The following MCTP1 variants were observed in gnomAD, a reference collection of about 807,000 sequenced individuals.
MCTP1 encodes multiple C2 and transmembrane domain-containing protein 1.
In MCTP1, 69 loss-of-function variants were observed where a neutral mutation model predicts 120.6. The ratio of observed to expected loss-of-function variants is 0.57; its 90% CI spans 0.47 to 0.70. The LOEUF (loss-of-function observed/expected upper bound fraction) is 0.70, where lower values mean the gene tolerates loss of function less well. Ranked by LOEUF, MCTP1 falls within the 30% of genes least tolerant of loss-of-function variation. The pLI, the probability that MCTP1 is intolerant of heterozygous loss-of-function variation, is 0.00. For synonymous variants in MCTP1, 529 were observed against 493.1 expected (o/e 1.07, Z -0.96); for missense variants, 1,203 against 1,248.8 (o/e 0.96, Z 0.55).
At chr5:95,143,568 C>T (rs1760117843) in intron 1 of MCTP1, among the ~76,000 whole-genome samples, 1 of 152,086 alleles carries the variant, frequency 6.6e-6, no homozygotes, top group South Asian at 2.1e-4. Context: ...TCCCTTCCTC[C>T]TCTAATAGTC....
chr5:94,970,658 TA>T (rs1826614317), intron 2 of MCTP1, among the ~76,000 whole-genome samples: 1 of 152,066 alleles, frequency 6.6e-6, no homozygotes, highest in African/African-American at 2.4e-5. Flanking sequence ...ATAGTACTAT[TA>T]ATTTTTTTTA....
chr5:94,988,748 G>A (rs1314517715), intron 2 of MCTP1, among the ~76,000 whole-genome samples: 3 of 152,046 alleles, frequency 2.0e-5, no homozygotes, highest in Non-Finnish European at 4.4e-5. Flanking sequence ...CGAGACTGGG[G>A]AATTTATAAA....
chr5:94,843,717 G>A (rs2153210712), intron 17 of MCTP1, among the ~76,000 whole-genome samples: 1 of 152,246 alleles, frequency 6.6e-6, no homozygotes, highest in Non-Finnish European at 1.5e-5. Flanking sequence ...CAATACTAAA[G>A]CTAAAGACAC....
chr5:95,048,128 AGG>A (rs1745022359), intron 1 of MCTP1, among the ~76,000 whole-genome samples: 1 of 152,206 alleles, frequency 6.6e-6, no homozygotes, highest in Non-Finnish European at 1.5e-5. Flanking sequence ...TGTTAGGCAA[AGG>A]AATATAATTT....
chr5:94,743,521 G>T (rs551251970), intron 19 of MCTP1, among the ~76,000 whole-genome samples: 7 of 152,296 alleles, frequency 4.6e-5, no homozygotes, highest in Admixed American at 1.3e-4. Context: ...GCCAGGCTGG[G>T]TGAGAGCATG....
chr5:94,826,069 G>T, intron 17 of MCTP1: 1 of 304,924 alleles, frequency 3.3e-6, no homozygotes. Context: ...ATACTTTGAA[G>T]GATCACAGGA....
intron 18 of MCTP1, among the ~76,000 whole-genome samples, chr5:94,791,270 C>G (rs1399996548): frequency 6.6e-6 from 1 of 151,848 alleles, no homozygotes; most frequent in Non-Finnish European, 1.5e-5. Context: ...TGCACTCCAG[C>G]CTGGGTGACA....
chr5:95,034,307 T>C (rs532377272), intron 1 of MCTP1, among the ~76,000 whole-genome samples: 195 of 152,164 alleles, frequency 1.3e-3, no homozygotes, highest in Non-Finnish European at 2.3e-3. Context: ...AGTATCACAT[T>C]ACATGACTTC....
chr5:94,772,265 A>G (rs904274546), intron 19 of MCTP1, among the ~76,000 whole-genome samples: 1 of 152,158 alleles, frequency 6.6e-6, no homozygotes, highest in Admixed American at 6.5e-5. Context: ...AGTGAGAACA[A>G]GGGGGTTGGA....
rs34561115 is a variant in MCTP1 at position 94,982,884 on chromosome 5, C to CAAAAAAAAAAAAAAAAAAAAAAAAAAA, written c.839-29550_839-29524dup. ...ACCTGGGGGACAGAGCACACTTCAT[C>CAAAAAAAAAAAAAAAAAAAAAAAAAAA]AAAAAAAAAAAAAAAAAAAAAAAAA... On this transcript the variant is annotated intron_variant, in intron 2 of 22. Coordinates refer to ENST00000515393, the MANE Select transcript of MCTP1 (RefSeq NM_024717.7). Among the ~76,000 whole-genome samples the CAAAAAAAAAAAAAAAAAAAAAAAAAAA allele has an allele frequency of 8.0e-4, 23 of 28,620 alleles. 7 individuals are homozygous for CAAAAAAAAAAAAAAAAAAAAAAAAAAA. Among genetic ancestry groups the CAAAAAAAAAAAAAAAAAAAAAAAAAAA allele is most frequent in the Non-Finnish European group, 1.5e-3 (18 of 12,002 alleles). 18.8% of individuals were successfully genotyped at this position (28,620 alleles called of 152,430 possible). A position where few individuals can be genotyped will look rare whatever the true frequency, so the allele number is the denominator to read the frequency against.
At chr5:95,033,473 A>G (rs2151791138) in intron 1 of MCTP1, among the ~76,000 whole-genome samples, 1 of 152,288 alleles carries the variant, frequency 6.6e-6, no homozygotes. Flanking sequence ...ATAAGAACAA[A>G]AACCATATGA....
chr5:95,071,741 G>C (rs947625422), intron 1 of MCTP1, among the ~76,000 whole-genome samples: 1 of 152,168 alleles, frequency 6.6e-6, no homozygotes, highest in Non-Finnish European at 1.5e-5. Flanking sequence ...GTTTCACTCT[G>C]TGAAACTGTG....
At chr5:95,253,260 A>G (rs1043503927) in intron 1 of MCTP1, among the ~76,000 whole-genome samples, 1 of 152,134 alleles carries the variant, frequency 6.6e-6, no homozygotes, top group African/African-American at 2.4e-5. Context: ...ACAAAACTTC[A>G]TTTCTAAAAT....
At chr5:95,132,208 A>G (rs1759096174) in intron 1 of MCTP1, among the ~76,000 whole-genome samples, 1 of 152,232 alleles carries the variant, frequency 6.6e-6, no homozygotes, top group Non-Finnish European at 1.5e-5. Flanking sequence ...GAGCCCCAGT[A>G]ACATTCTGTA....
chr5:94,748,032 G>A (rs1250816408), intron 19 of MCTP1, among the ~76,000 whole-genome samples: 1 of 152,192 alleles, frequency 6.6e-6, no homozygotes, highest in East Asian at 1.9e-4. Flanking sequence ...AGAGGTTGCA[G>A]CGAGCTGAGA....
chr5:94,766,417 G>C (rs1375481317), intron 19 of MCTP1, among the ~76,000 whole-genome samples: 1 of 151,332 alleles, frequency 6.6e-6, no homozygotes, highest in African/African-American at 2.4e-5. Context: ...GCAAGCTATC[G>C]CAAGGACAGA....
chr5:95,091,109 C>T (rs915493242), intron 1 of MCTP1, among the ~76,000 whole-genome samples: 1 of 152,144 alleles, frequency 6.6e-6, no homozygotes, highest in Non-Finnish European at 1.5e-5. Flanking sequence ...TCCCCCCAAC[C>T]CCAAACCTAC....
chr5:94,756,466 GAACTGCACTC>G (rs1336252138), intron 19 of MCTP1, among the ~76,000 whole-genome samples: 1 of 152,162 alleles, frequency 6.6e-6, no homozygotes, highest in Non-Finnish European at 1.5e-5. Context: ...ATGAAGATAG[GAACTGCACTC>G]AACGAGGTGT....
chr5:94,996,162 G>A (rs1414313261), intron 2 of MCTP1, among the ~76,000 whole-genome samples: 2 of 152,072 alleles, frequency 1.3e-5, no homozygotes, highest in African/African-American at 4.8e-5. Context: ...TTTACTTCAT[G>A]TAAATCAAAT....
Sources: allele counts gnomAD v4.1 joint callset (sites outside exome capture counted in the v4.1 genomes callset), GRCh38; gene constraint gnomAD v4.1.1; transcripts MANE v1.5; gene names NCBI Gene and HGNC (gene_info 2026-07-23, HGNC 2026-07-21).